The following ACSM6 variants were observed in gnomAD, a reference collection of about 807,000 sequenced individuals.
ACSM6 encodes the protein acyl-coenzyme A synthetase ACSM6, mitochondrial.
ACSM6 carries 35 observed loss-of-function variants against 51.1 expected under a neutral mutation model. That is an observed-to-expected ratio of 0.69 (90% confidence interval 0.52 to 0.91). The LOEUF (loss-of-function observed/expected upper bound fraction) is 0.91. Ranked by LOEUF, ACSM6 falls within the 40% of genes least tolerant of loss-of-function variation. The probability of loss-of-function intolerance (pLI) is 0.00; values close to 1 mark genes in which losing one functional copy is unlikely to be tolerated. For synonymous variants in ACSM6, 172 were observed against 207.3 expected (o/e 0.83, Z 1.46); for missense variants, 509 against 584.1 (o/e 0.87, Z 1.32).
chr10:95,199,880 A>G (rs1170878227), intron 2 of ACSM6, among the ~76,000 whole-genome samples: 1 of 152,236 alleles, frequency 6.6e-6, no homozygotes, highest in Non-Finnish European at 1.5e-5. Context: ...GTGGAGAAAT[A>G]GGAACACTTT....
chr10:95,227,115 T>G (rs1421592391), intron 10 of ACSM6, among the ~76,000 whole-genome samples: 3 of 151,882 alleles, frequency 2.0e-5, no homozygotes, highest in African/African-American at 7.3e-5. Context: ...GCCTCATGAG[T>G]AGCTGGGATT....
At chr10:95,217,535 G>A (rs1032089096) in intron 8 of ACSM6, among the ~76,000 whole-genome samples, 3 of 151,948 alleles carry the variant, frequency 2.0e-5, no homozygotes, top group Non-Finnish European at 4.4e-5. Flanking sequence ...GTGGTGGGGG[G>A]CAGGGGGATT....
chr10:95,214,336 A>G (rs1371445891), intron 7 of ACSM6, among the ~76,000 whole-genome samples: 2 of 152,166 alleles, frequency 1.3e-5, no homozygotes, highest in African/African-American at 4.8e-5. Context: ...ACCAAAATCA[A>G]ATAAACATAA....
At chr10:95,228,754 T>G (rs1434216443) in exon 11 of ACSM6, 1 of 1,551,502 alleles carries the variant, frequency 6.4e-7, no homozygotes. Context: ...GAGTTGATGA[T>G]GTTGCCAATG....
chr10:95,221,565 G>A (rs1490472362), intron 9 of ACSM6, among the ~76,000 whole-genome samples: 1 of 151,674 alleles, frequency 6.6e-6, no homozygotes. Context: ...CAGCCTGGGT[G>A]ACAAGAGCAA....
intron 8 of ACSM6, among the ~76,000 whole-genome samples, chr10:95,218,768 C>T (rs550183466): frequency 6.6e-6 from 1 of 152,292 alleles, no homozygotes; most frequent in East Asian, 1.9e-4. Context: ...TTAATAGTCC[C>T]ACCAGATTAG....
chr10:95,202,663 C>T (rs542086866), intron 3 of ACSM6, among the ~76,000 whole-genome samples: 1 of 152,018 alleles, frequency 6.6e-6, no homozygotes, highest in Non-Finnish European at 1.5e-5. Flanking sequence ...GTGGCTCACA[C>T]CTGTAATTCC....
chr10:95,215,015 C>T (rs2034930985), intron 8 of ACSM6, 40 bp downstream of exon 8: 1 of 1,548,606 alleles, frequency 6.5e-7, no homozygotes, highest in South Asian at 1.2e-5. Context: ...AGAAACCAAA[C>T]TTGCCCATTC....
chr10:95,226,360 G>C (rs2035039412), intron 10 of ACSM6: 1 of 152,138 alleles, frequency 6.6e-6, no homozygotes, highest in Non-Finnish European at 1.5e-5. Context: ...CTTGAGCCCA[G>C]GGGTTCAAGA....
chr10:95,215,875 GGA>G (rs368435581), intron 8 of ACSM6, among the ~76,000 whole-genome samples: 1 of 151,836 alleles, frequency 6.6e-6, no homozygotes, highest in Non-Finnish European at 1.5e-5. Flanking sequence ...TCACAGACAG[GGA>G]GAGAGAGAGA....
intron 10 of ACSM6, among the ~76,000 whole-genome samples, chr10:95,226,987 AC>A (rs1215138146): frequency 8.1e-6 from 1 of 123,118 alleles, no homozygotes; most frequent in African/African-American, 3.1e-5. Flanking sequence ...TTATATGACA[AC>A]TTTTTTTTTT....
chr10:95,216,349 G>A (rs543736382), intron 8 of ACSM6, among the ~76,000 whole-genome samples: 95 of 152,076 alleles, frequency 6.2e-4, no homozygotes, highest in Non-Finnish European at 1.1e-3. Context: ...GAGCAGTAGG[G>A]AATTAGCACA....
At chr10:95,198,579 A>G (rs2133370036) in intron 2 of ACSM6, among the ~76,000 whole-genome samples, 1 of 151,126 alleles carries the variant, frequency 6.6e-6, no homozygotes, top group African/African-American at 2.4e-5. Flanking sequence ...TGAACCCGGG[A>G]GGCAGAGGTT....
intron 3 of ACSM6, 127 bp from the exon 4 acceptor site, chr10:95,207,081 A>G (rs2034844840): frequency 1.2e-6 from 1 of 830,850 alleles, no homozygotes; most frequent in African/African-American, 1.7e-5. Flanking sequence ...TTACTGACCC[A>G]ATAGAGAAGA....
exon 3 of ACSM6, chr10:95,201,992 T>G: frequency 6.4e-7 from 1 of 1,551,568 alleles, no homozygotes; most frequent in Non-Finnish European, 8.7e-7. Context: ...TAGGACGGAC[T>G]CAGAGGGCCT....
chr10:95,211,890 T>G, exon 6 of ACSM6: 1 of 1,606,788 alleles, frequency 6.2e-7, no homozygotes, highest in Non-Finnish European at 8.5e-7. Flanking sequence ...GGTGGATGGA[T>G]CTCCAGCCAA....
chr10:95,225,229 G>A (rs1589499259), intron 9 of ACSM6, 61 bp from the exon 10 acceptor site: 8 of 1,206,946 alleles, frequency 6.6e-6, no homozygotes, highest in African/African-American at 4.5e-5. Context: ...ATCTTGTGGT[G>A]TTTTAGGAAG....
intron 8 of ACSM6, among the ~76,000 whole-genome samples, chr10:95,215,811 G>T (rs569193419): frequency 6.6e-6 from 1 of 152,214 alleles, no homozygotes; most frequent in Non-Finnish European, 1.5e-5. Context: ...GAAAGGCCGG[G>T]TTTTAGGAAG....
At chr10:95,194,671 G>T (rs1252511029) in exon 2 of ACSM6, 19 of 1,551,226 alleles carry the variant, frequency 1.2e-5, no homozygotes, top group Non-Finnish European at 1.7e-5. Flanking sequence ...GGTCCCAGCT[G>T]GAAAAGGTAA....
Sources: gnomAD v4.1 joint callset for allele counts (sites outside exome capture counted in the v4.1 genomes callset) on GRCh38, gnomAD v4.1.1 for gene constraint, MANE v1.5 for transcripts, NCBI Gene and HGNC (gene_info 2026-07-23, HGNC 2026-07-21) for gene names.